Variants in KDM5A observed in about 807,000 individuals in gnomAD.
KDM5A encodes the protein lysine-specific demethylase 5A.
A neutral mutation model predicts 193.5 loss-of-function variants in KDM5A; 42 were observed. That is an observed-to-expected ratio of 0.22 (90% CI 0.17 to 0.28). The LOEUF (loss-of-function observed/expected upper bound fraction) is 0.28, where lower values mean the gene tolerates loss of function less well. Among genes scored for constraint, KDM5A ranks in the 10% least tolerant of loss-of-function variants. The pLI is 1.00. For synonymous variants in KDM5A, 796 were observed against 718.1 expected, an observed-to-expected ratio of 1.11 and a Z score of -1.73; for missense variants, 1,692 against 2,055.1, an observed-to-expected ratio of 0.82 and a Z score of 3.42.
At chr12:341,252 T>C (rs559850669) in intron 10 of KDM5A, among the ~76,000 whole-genome samples, 1 of 152,284 alleles carries the variant, frequency 6.6e-6, no homozygotes, top group African/African-American at 2.4e-5. Flanking sequence ...TTCAGGCTGA[T>C]ACATTTCTTT....
At chr12:314,298 C>T (rs1336398824) in intron 19 of KDM5A, among the ~76,000 whole-genome samples, 1 of 152,156 alleles carries the variant, frequency 6.6e-6, no homozygotes, top group Non-Finnish European at 1.5e-5. Context: ...TAGGTTCAAA[C>T]GATTCTCATG....
At position 282,463 on chromosome 12, in the gene KDM5A, T is replaced by C. The variant is rs1224106201; in HGVS notation, c.*2993A>G. 1.3e-5 allele frequency: 3 copies of C among 233,148 alleles called. No individual in the cohort carries two copies. The highest frequency in any genetic ancestry group is 6.6e-5 in the African/African-American group (3 of 45,344). 14.4% of individuals were successfully genotyped at this position (233,148 alleles called of 1,614,324 possible). On this transcript the variant is annotated 3_prime_UTR_variant, in exon 28 of 28. Coordinates refer to ENST00000399788, the MANE Select transcript of KDM5A (RefSeq NM_001042603.3). ...CAGCTTAGTGAGGAAGTCATGCATC[T>C]ACACATCAACATGGCTTTGCTGCAG...
At chr12:383,512 T>G (rs1382857758) in intron 3 of KDM5A, among the ~76,000 whole-genome samples, 3 of 151,024 alleles carry the variant, frequency 2.0e-5, no homozygotes, top group African/African-American at 7.3e-5. Context: ...CCACCGTGCC[T>G]GGCCCAAATT....
At chr12:381,707 G>A (rs1415955189) in intron 3 of KDM5A, among the ~76,000 whole-genome samples, 1 of 152,072 alleles carries the variant, frequency 6.6e-6, no homozygotes, top group African/African-American at 2.4e-5. Context: ...AAAGTCTCAA[G>A]CTGTATTTTA....
chr12:357,238 C>T (rs1944238382), intron 5 of KDM5A, among the ~76,000 whole-genome samples: 1 of 151,762 alleles, frequency 6.6e-6, no homozygotes, highest in African/African-American at 2.4e-5. Context: ...GATCACGCTG[C>T]TGCACTCCAC....
At chr12:311,791 T>C (rs1426413820) in intron 20 of KDM5A, among the ~76,000 whole-genome samples, 4 of 152,092 alleles carry the variant, frequency 2.6e-5, no homozygotes, top group African/African-American at 9.7e-5. Flanking sequence ...CCCAGCACTT[T>C]GGAAGGCCAA....
chr12:300,028 T>C (rs912780040), intron 24 of KDM5A, among the ~76,000 whole-genome samples: 25 of 151,624 alleles, frequency 1.6e-4, no homozygotes, highest in Admixed American at 1.4e-3. Context: ...AGCACCCAGA[T>C]TCATAAAGCA....
At chr12:363,178 G>A (rs760747882) in intron 4 of KDM5A, 81 bp from the exon 5 acceptor site, 16 of 1,511,796 alleles carry the variant, frequency 1.1e-5, no homozygotes, top group Non-Finnish European at 1.5e-5. Context: ...GTAATAAATT[G>A]CCAATGAATC....
chr12:359,842 A>C lies in KDM5A; in HGVS notation c.672+3121T>G, dbSNP rs1330657169. 2.0e-5 allele frequency among the ~76,000 whole-genome samples: 3 copies of C among 147,162 alleles called. No homozygotes were observed. The East Asian group carries it at 6.0e-4, about 29-fold the overall frequency. The stretch of plus-strand genomic sequence containing the variant: ...GGAGGCAAGGAGGGAGGGAGGGAGG[A>C]AAGGAGGGAGGGAGGAAACAAGGAA... On this transcript the variant is annotated intron_variant, in intron 5 of 27. Transcript: ENST00000399788.
At chr12:292,551 A>C (rs1290609615) in intron 27 of KDM5A, among the ~76,000 whole-genome samples, 1 of 152,236 alleles carries the variant, frequency 6.6e-6, no homozygotes, top group Non-Finnish European at 1.5e-5. Flanking sequence ...ATGTTCATTA[A>C]GTATATGATT....
intron 20 of KDM5A, among the ~76,000 whole-genome samples, chr12:311,952 T>C (rs1943592374): frequency 6.6e-6 from 1 of 152,104 alleles, no homozygotes. Flanking sequence ...GAGAATTGCT[T>C]GAACCCAGGA....
At chr12:384,958 G>A (rs1944621674) in intron 2 of KDM5A, among the ~76,000 whole-genome samples, 1 of 152,212 alleles carries the variant, frequency 6.6e-6, no homozygotes, top group Non-Finnish European at 1.5e-5. Flanking sequence ...GGGAGGCCAA[G>A]GCGGGCAGAT....
At chr12:291,494 T>G (rs1037705563) in intron 27 of KDM5A, among the ~76,000 whole-genome samples, 1 of 152,176 alleles carries the variant, frequency 6.6e-6, no homozygotes, top group Non-Finnish European at 1.5e-5. Context: ...CATAATTACC[T>G]TCCCTGAGTC....
intron 3 of KDM5A, among the ~76,000 whole-genome samples, chr12:382,109 C>T (rs995378915): frequency 6.6e-6 from 1 of 152,166 alleles, no homozygotes; most frequent in African/African-American, 2.4e-5. Flanking sequence ...CCACATGCCA[C>T]GAATTATTCT....
chr12:376,408 C>T (rs968010835), intron 3 of KDM5A, among the ~76,000 whole-genome samples: 1 of 152,202 alleles, frequency 6.6e-6, no homozygotes, highest in Non-Finnish European at 1.5e-5. Flanking sequence ...CCTGGTGTGC[C>T]GTTTGCTAAG....
At chr12:344,533 A>G (rs1944046296) in intron 10 of KDM5A, among the ~76,000 whole-genome samples, 1 of 152,368 alleles carries the variant, frequency 6.6e-6, no homozygotes, top group African/African-American at 2.4e-5. Context: ...CAAGTTACCC[A>G]CAAAGGGAAG....
intron 5 of KDM5A, among the ~76,000 whole-genome samples, chr12:361,568 C>A (rs1023305157): frequency 5.3e-5 from 8 of 151,786 alleles, no homozygotes; most frequent in Non-Finnish European, 1.0e-4. Context: ...AGGTGAACAT[C>A]AAAAAAAATT....
intron 27 of KDM5A, among the ~76,000 whole-genome samples, chr12:292,238 G>A (rs1029078595): frequency 6.6e-6 from 1 of 152,168 alleles, no homozygotes; most frequent in African/African-American, 2.4e-5. Context: ...TGAATTATTT[G>A]TTGCAAAAGA....
chr12:298,069 C>A (rs1943396123), intron 24 of KDM5A, among the ~76,000 whole-genome samples: 1 of 152,206 alleles, frequency 6.6e-6, no homozygotes, highest in East Asian at 1.9e-4. Flanking sequence ...ATAAAACCCC[C>A]AGCTCCCTGG....
Sources: allele counts gnomAD v4.1 joint callset (sites outside exome capture counted in the v4.1 genomes callset), GRCh38; gene constraint gnomAD v4.1.1; transcripts MANE v1.5; gene names NCBI Gene and HGNC (gene_info 2026-07-23, HGNC 2026-07-21).